Variants in LRRIQ3 observed in about 807,000 individuals in gnomAD.
LRRIQ3 encodes the protein leucine-rich repeat and IQ domain-containing protein 3.
In LRRIQ3, 75 loss-of-function variants were observed where a neutral mutation model predicts 59.3. The ratio of observed to expected loss-of-function variants is 1.26; its 90% CI spans 1.05 to 1.53. LRRIQ3 has a LOEUF of 1.53. LRRIQ3 is among the 40% of genes most tolerant of loss of function. The pLI, the probability that LRRIQ3 is intolerant of heterozygous loss-of-function variation, is 0.00. For missense variants in LRRIQ3, 831 were observed against 710.0 expected, an observed-to-expected ratio of 1.17 and a Z score of -1.94; for synonymous variants, 250 against 231.3, an observed-to-expected ratio of 1.08 and a Z score of -0.73.
chr1:74,135,490 A>T (rs1192124311), intron 4 of LRRIQ3, among the ~76,000 whole-genome samples: 1 of 151,994 alleles, frequency 6.6e-6, no homozygotes, highest in Admixed American at 6.6e-5. Context: ...TATATCTCAT[A>T]ACAAGGCTAT....
intron 3 of LRRIQ3, among the ~76,000 whole-genome samples, chr1:74,164,944 T>C (rs1648885328): frequency 6.6e-6 from 1 of 151,512 alleles, no homozygotes; most frequent in Non-Finnish European, 1.5e-5. Context: ...CAAATTACAT[T>C]TGTACCTTTG....
chr1:74,028,565 C>T (rs1653590969), intron 7 of LRRIQ3, among the ~76,000 whole-genome samples: 1 of 151,962 alleles, frequency 6.6e-6, no homozygotes, highest in African/African-American at 2.4e-5. Flanking sequence ...TAAGAGCCTG[C>T]TTATTCATGT....
rs1195583719 is a variant in LRRIQ3 at position 74,074,735 on chromosome 1, G to T, written c.923C>A (p.Ser308Ter). The T allele has an allele frequency of 2.1e-6, 3 of 1,448,234 alleles. No individual in the cohort carries two copies. The highest frequency in any genetic ancestry group is 1.4e-5 in the South Asian group (1 of 70,602). The allele number at this position is 1,448,234 out of a possible 1,614,324, so 89.7% of individuals were successfully genotyped here. Reference sequence around the variant, plus strand: ...TGGTTTTAATTCACATAAAATAGATGACACATGTTTTCTGTGTTCACTGGA... The same window carrying T: ...TGGTTTTAATTCACATAAAATAGATTACACATGTTTTCTGTGTTCACTGGA... The part of the protein sequence containing the change: ...KNSSEHRKHV[S>*]SILCELKPKD... Residue 308 changes from serine (S) to a stop codon, truncating the protein, a stop_gained, in exon 6 of 8, where the codon TCA (serine) becomes TAA (stop). Transcript: ENST00000354431. LOFTEE classifies it high-confidence loss of function.
At chr1:74,092,539 G>A (rs1286539713) in intron 5 of LRRIQ3, among the ~76,000 whole-genome samples, 1 of 151,938 alleles carries the variant, frequency 6.6e-6, no homozygotes, top group East Asian at 1.9e-4. Context: ...TGGAAGGCAG[G>A]CTACATGCTG....
chr1:74,152,008 G>A (rs1158936533), intron 4 of LRRIQ3, among the ~76,000 whole-genome samples: 2 of 151,940 alleles, frequency 1.3e-5, no homozygotes, highest in East Asian at 3.9e-4. Flanking sequence ...ATTATAATAA[G>A]AAGAAAGTAA....
chr1:74,055,704 T>C (rs910609353), intron 6 of LRRIQ3, among the ~76,000 whole-genome samples: 5 of 152,194 alleles, frequency 3.3e-5, no homozygotes, highest in Non-Finnish European at 7.4e-5. Context: ...CATATGTTTA[T>C]GATTCTCTTG....
At chr1:74,145,029 A>T (rs1453944431) in intron 4 of LRRIQ3, among the ~76,000 whole-genome samples, 2 of 152,134 alleles carry the variant, frequency 1.3e-5, no homozygotes, top group African/African-American at 4.8e-5. Flanking sequence ...ATCTATGCAT[A>T]CAAAAATAGA....
intron 4 of LRRIQ3, among the ~76,000 whole-genome samples, chr1:74,130,593 G>T (rs1394049935): frequency 1.3e-5 from 2 of 152,046 alleles, no homozygotes; most frequent in Non-Finnish European, 2.9e-5. Context: ...TTGATTTTTG[G>T]TTCTTATAAA....
intron 5 of LRRIQ3, among the ~76,000 whole-genome samples, chr1:74,093,389 G>A (rs1646414645): frequency 6.6e-6 from 1 of 152,080 alleles, no homozygotes; most frequent in African/African-American, 2.4e-5. Flanking sequence ...TTTGGTAACT[G>A]CTATGGGGGC....
intron 4 of LRRIQ3, among the ~76,000 whole-genome samples, chr1:74,127,845 C>A (rs1447336552): frequency 1.3e-5 from 2 of 151,922 alleles, no homozygotes; most frequent in Non-Finnish European, 2.9e-5. Context: ...TTTCTTATTG[C>A]TCATTAACTT....
At chr1:74,064,781 A>G (rs1034958861) in intron 6 of LRRIQ3, among the ~76,000 whole-genome samples, 7 of 151,988 alleles carry the variant, frequency 4.6e-5, no homozygotes, top group African/African-American at 1.7e-4. Flanking sequence ...ATTATATCTG[A>G]TGAGCAGTAA....
chr1:74,042,243 A>G (rs1654070531), intron 6 of LRRIQ3, among the ~76,000 whole-genome samples: 1 of 152,142 alleles, frequency 6.6e-6, no homozygotes, highest in Non-Finnish European at 1.5e-5. Context: ...AACCACACAT[A>G]TTATTTTTTC....
intron 4 of LRRIQ3, among the ~76,000 whole-genome samples, chr1:74,134,347 C>T (rs1321386874): frequency 6.6e-6 from 1 of 152,004 alleles, no homozygotes; most frequent in Non-Finnish European, 1.5e-5. Context: ...AATAGCCCCC[C>T]ATAACCCCTA....
rs985776697 is a variant in LRRIQ3 at position 74,029,982 on chromosome 1, G to A, written c.1719-3013C>T. 2.6e-5 allele frequency among the ~76,000 whole-genome samples: 4 copies of A among 151,600 alleles called. No homozygotes were observed. The East Asian group carries it at 5.8e-4, about 22-fold the overall frequency. ...TTCTTCTAGATTTTCTAGTTTATTTGCTCAGAGAGCCAAATCATGAGTGAA... is the reference window on the plus strand; with the variant it reads ...TTCTTCTAGATTTTCTAGTTTATTTACTCAGAGAGCCAAATCATGAGTGAA... On this transcript the variant is annotated intron_variant, in intron 7 of 7. Coordinates refer to ENST00000354431, the MANE Select transcript of LRRIQ3 (RefSeq NM_001105659.2).
In LRRIQ3 at chr1:74,074,767, T is replaced by G. The variant is rs1268061903; in HGVS notation, c.891A>C (p.Leu297Phe). The G allele has an allele frequency of 7.2e-7, 1 of 1,392,934 alleles. No individual in the cohort carries two copies. The highest frequency in any genetic ancestry group is 9.7e-7 in the Non-Finnish European group (1 of 1,030,502). 86.3% of individuals were successfully genotyped at this position (1,392,934 alleles called of 1,614,324 possible). ...WKHNIYYPVDLKNSSEHRKHV... is the reference protein window; with the variant it reads ...WKHNIYYPVDFKNSSEHRKHV... The stretch of plus-strand genomic sequence containing the variant: ...GTTTTCTGTGTTCACTGGAATTTTT[T>G]AAATCAACAGGATAATATATATTCT... The change falls in exon 6 of 8, where the codon TTA (leucine) becomes TTC (phenylalanine). Residue 297 changes from leucine (L) to phenylalanine (F), a missense_variant. By Grantham distance (22) the Leu-to-Phe change is conservative. Transcript: ENST00000354431.
At chr1:74,131,572 T>C (rs781622915) in intron 4 of LRRIQ3, among the ~76,000 whole-genome samples, 1 of 152,154 alleles carries the variant, frequency 6.6e-6, no homozygotes, top group Non-Finnish European at 1.5e-5. Flanking sequence ...TGGTTCAACA[T>C]ATGCAAATCA....
At chr1:74,060,992 T>C (rs1335588653) in intron 6 of LRRIQ3, among the ~76,000 whole-genome samples, 2 of 152,078 alleles carry the variant, frequency 1.3e-5, no homozygotes, top group African/African-American at 2.4e-5. Context: ...CAGCGGGAGA[T>C]GTCACAACTT....
intron 3 of LRRIQ3, among the ~76,000 whole-genome samples, chr1:74,175,074 T>C (rs917712619): frequency 1.3e-5 from 2 of 152,098 alleles, no homozygotes; most frequent in Admixed American, 1.3e-4. Flanking sequence ...TCTTCACCAG[T>C]CAGTGCACCC....
intron 3 of LRRIQ3, among the ~76,000 whole-genome samples, chr1:74,162,204 T>G (rs143209902): frequency 2.6e-5 from 4 of 151,864 alleles, no homozygotes; most frequent in African/African-American, 9.7e-5. Flanking sequence ...TATAAGGGAC[T>G]TCTACATACA....
Sources: allele counts gnomAD v4.1 joint callset (sites outside exome capture counted in the v4.1 genomes callset), GRCh38; gene constraint gnomAD v4.1.1; transcripts MANE v1.5; gene names NCBI Gene and HGNC (gene_info 2026-07-23, HGNC 2026-07-21).